The following MYLK variants were observed in gnomAD, a reference collection of about 807,000 sequenced individuals.
MYLK encodes the protein myosin light chain kinase, also known as myosin light chain kinase, smooth muscle.
A neutral mutation model predicts 203.4 loss-of-function variants in MYLK; 106 were observed. The ratio of observed to expected loss-of-function variants is 0.52; its 90% CI spans 0.45 to 0.61. The LOEUF (loss-of-function observed/expected upper bound fraction) is 0.61, where lower values mean the gene tolerates loss of function less well. Ranked by LOEUF, MYLK falls within the 20% of genes least tolerant of loss-of-function variation. The probability of loss-of-function intolerance (pLI) is 0.00; values close to 1 mark genes in which losing one functional copy is unlikely to be tolerated. For synonymous variants in MYLK, 867 were observed against 959.5 expected (o/e 0.90, Z 1.78); for missense variants, 2,072 against 2,442.3 (o/e 0.85, Z 3.20).
At chr3:123,621,288 A>C (rs1283070964) in intron 31 of MYLK, 2 of 152,188 alleles carry the variant, frequency 1.3e-5, no homozygotes, top group Non-Finnish European at 2.9e-5. Context: ...AAACTAAGGC[A>C]CAACCAAGTC....
At position 123,700,352 on chromosome 3, in the gene MYLK, C is replaced by T. The variant is rs765390328; in HGVS notation, c.3116G>A (p.Gly1039Asp). The change falls in exon 18 of 34, where the codon GGC (glycine) becomes GAC (aspartate). Residue 1039 changes from glycine to aspartate, a missense_variant. Around this residue, in one of 3 missense-constraint regions of MYLK, gnomAD observed 865 missense variants for 1,016.0 expected, o/e 0.85. Coordinates refer to ENST00000360304, the MANE Select transcript of MYLK (RefSeq NM_053025.4). Reference sequence around the variant, plus strand: ...CAGGGTCTCGGCAGGCTTGGCGTTGCCCATTGGCTTCAGGGTCTCAGCAGG... The same window carrying T: ...CAGGGTCTCGGCAGGCTTGGCGTTGTCCATTGGCTTCAGGGTCTCAGCAGG... ...AKPAETLKPM[G>D]NAKPAETLKP... 2 of 1,613,408 alleles carry T rather than the reference C, an allele frequency of 1.2e-6. No homozygotes were observed. Among genetic ancestry groups the T allele is most frequent in the Non-Finnish European group, 1.7e-6 (2 of 1,179,874 alleles).
chr3:123,795,873 C>T (rs908240508), intron 3 of MYLK, among the ~76,000 whole-genome samples: 12 of 152,186 alleles, frequency 7.9e-5, no homozygotes, highest in African/African-American at 1.7e-4. Flanking sequence ...TAAACTGACA[C>T]AAATGAACAA....
chr3:123,619,870 T>C (rs951100014), intron 32 of MYLK, among the ~76,000 whole-genome samples: 8 of 152,332 alleles, frequency 5.3e-5, no homozygotes, highest in African/African-American at 1.7e-4. Context: ...CCTATTAATA[T>C]AGAATATCAC....
intron 3 of MYLK, among the ~76,000 whole-genome samples, chr3:123,807,508 T>G (rs116378354): frequency 0.011 from 1,748 of 152,248 alleles, 34 homozygotes; most frequent in African/African-American, 0.04. Flanking sequence ...GTGTAACGAA[T>G]GTATTGATAT....
In MYLK at chr3:123,780,800, C is replaced by G. The variant is rs533533749; in HGVS notation, c.165+12877G>C. Among the ~76,000 whole-genome samples the G allele has an allele frequency of 3.9e-5, 6 of 152,282 alleles. No individual in the cohort carries two copies. In the East Asian group the frequency reaches 9.6e-4, roughly 24 times the overall value. On this transcript the variant is annotated intron_variant, in intron 4 of 33. Transcript: ENST00000360304. ...GTCTGACTGAATATCTACCACGGGC[C>G]GGGCACTGTCCTAGGTGCTATAGAG...
At chr3:123,617,807 A>G (rs1214682421) in intron 33 of MYLK, 2 of 152,228 alleles carry the variant, frequency 1.3e-5, no homozygotes, top group Admixed American at 6.5e-5. Context: ...CTATATGAAA[A>G]TGGAAACGCT....
intron 3 of MYLK, among the ~76,000 whole-genome samples, chr3:123,801,891 A>C (rs1441819255): frequency 6.6e-6 from 1 of 152,170 alleles, no homozygotes; most frequent in African/African-American, 2.4e-5. Context: ...AAGAACATAC[A>C]GATGTATGTG....
At chr3:123,733,665 G>GGCA (rs770890904) in intron 10 of MYLK, 22 bp downstream of exon 10, 2 of 1,613,108 alleles carry the variant, frequency 1.2e-6, no homozygotes, top group Non-Finnish European at 1.7e-6. Flanking sequence ...GGCAATCGGT[G>GGCA]ACCCTAATTA....
chr3:123,764,405 C>G (rs2063636384), intron 4 of MYLK, among the ~76,000 whole-genome samples: 1 of 152,186 alleles, frequency 6.6e-6, no homozygotes. Flanking sequence ...TGCAGATCTT[C>G]TCCCTTGAGA....
At chr3:123,766,836 A>G (rs2063720149) in intron 4 of MYLK, among the ~76,000 whole-genome samples, 1 of 152,272 alleles carries the variant, frequency 6.6e-6, no homozygotes, top group Admixed American at 6.5e-5. Flanking sequence ...GGGTTGCAGA[A>G]AAGAAAAGAA....
At chr3:123,637,941 C>T in intron 29 of MYLK, 130 bp downstream of exon 29, 1 of 1,414,280 alleles carries the variant, frequency 7.1e-7, no homozygotes, top group Non-Finnish European at 9.8e-7. Context: ...CTGCCACCCT[C>T]CTGACTCTGG....
chr3:123,682,506 T>C (rs1324149339), intron 19 of MYLK, among the ~76,000 whole-genome samples, 196 bp from the exon 20 acceptor site: 1 of 152,190 alleles, frequency 6.6e-6, no homozygotes, highest in Non-Finnish European at 1.5e-5. Context: ...GACCGTCCAC[T>C]ACCCTGGGCC....
chr3:123,768,370 A>G (rs1268752235), intron 4 of MYLK, among the ~76,000 whole-genome samples: 3 of 152,202 alleles, frequency 2.0e-5, no homozygotes, highest in Non-Finnish European at 4.4e-5. Context: ...ACTGCCACCA[A>G]ATGCAGGTGA....
rs1250859054 is a variant in MYLK, at chr3:123,732,937, G to A, written c.1475C>T (p.Ala492Val). ...SGTYSCTASN[A>V]QGQLSCSWTL... ...CCAGCTACAGGACAGCTGGCCTTGG[G>A]CGTTGGAAGCAGTGCAGCTGTATGT... is the stretch of plus-strand genomic sequence containing the variant. Residue 492 changes from alanine to valine, a missense_variant, in exon 11 of 34, where the codon GCC becomes GTC. By Grantham distance (64) the Ala-to-Val change is moderately conservative. Around this residue, in one of 3 missense-constraint regions of MYLK, gnomAD observed 683 missense variants for 643.8 expected, o/e 1.06. Coordinates refer to ENST00000360304, the MANE Select transcript of MYLK (RefSeq NM_053025.4). 1.2e-6 allele frequency: 2 copies of A among 1,614,080 alleles called. No homozygotes were observed. Among genetic ancestry groups the A allele is most frequent in the Non-Finnish European group, 1.7e-6 (2 of 1,180,046 alleles).
intron 20 of MYLK, among the ~76,000 whole-genome samples, chr3:123,671,630 T>G (rs72626349): frequency 1.3e-5 from 2 of 150,912 alleles, no homozygotes; most frequent in Non-Finnish European, 3.0e-5. Flanking sequence ...CAGTGGGGAG[T>G]AAAATAGTCA....
chr3:123,797,007 A>T (rs1026679977), intron 3 of MYLK, among the ~76,000 whole-genome samples: 24 of 152,330 alleles, frequency 1.6e-4, no homozygotes, highest in African/African-American at 4.8e-4. Context: ...ACTATATTTT[A>T]AAAAATCCAA....
chr3:123,620,468 C>T lies in MYLK; in HGVS notation c.5239-132G>A, dbSNP rs568974320. 128 of 1,577,434 alleles carry T rather than the reference C, an allele frequency of 8.1e-5. No homozygotes were observed. The African/African-American group carries it at 1.3e-3, about 17-fold the overall frequency. On this transcript the variant is annotated intron_variant, in intron 31 of 33. Coordinates refer to ENST00000360304, the MANE Select transcript of MYLK (RefSeq NM_053025.4). ...CCTGGAACAAGGACCTCCTGAGAGC[C>T]GAGGTTCTGCCAGAGGAGCGAACCC...
chr3:123,734,246 T>TGGGGGGGGG, intron 9 of MYLK, 24 bp from the exon 10 acceptor site: 1 of 1,415,800 alleles, frequency 7.1e-7, no homozygotes, highest in Non-Finnish European at 9.3e-7. Flanking sequence ...AGGGTGGGGG[T>TGGGGGGGGG]AGGGTGGGTG....
intron 13 of MYLK, among the ~76,000 whole-genome samples, chr3:123,719,856 T>C (rs2332583): frequency 6.6e-6 from 1 of 152,154 alleles, no homozygotes; most frequent in East Asian, 1.9e-4. Context: ...GTCCCGAGGA[T>C]CCAGAGCCAA....
Sources: gnomAD v4.1 joint callset for allele counts (sites outside exome capture counted in the v4.1 genomes callset) on GRCh38, gnomAD v4.1.1 for gene constraint, gnomAD v4.1.1 regional missense constraint, MANE v1.5 for transcripts, NCBI Gene and HGNC (gene_info 2026-07-23, HGNC 2026-07-21) for gene names.